The following SSBP3 variants were observed in gnomAD, a reference collection of about 807,000 sequenced individuals.
SSBP3 encodes single stranded DNA binding protein 3.
Under a neutral mutation model 69.6 loss-of-function variants are expected in SSBP3, and 5 were observed. That is an observed-to-expected ratio of 0.07 (90% CI 0.04 to 0.15). SSBP3 has a LOEUF of 0.15. Ranked by LOEUF, SSBP3 falls within the 10% of genes least tolerant of loss-of-function variation. The probability of loss-of-function intolerance (pLI) is 1.00; values close to 1 mark genes in which losing one functional copy is unlikely to be tolerated. For missense variants in SSBP3, 312 were observed against 534.0 expected (o/e 0.58, Z 4.10); for synonymous variants, 196 against 193.4 (o/e 1.01, Z -0.11).
intron 4 of SSBP3, among the ~76,000 whole-genome samples, chr1:54,371,735 GC>G (rs1233336969): frequency 6.6e-6 from 1 of 152,180 alleles, no homozygotes; most frequent in Admixed American, 6.5e-5. Flanking sequence ...GCTGCACTGG[GC>G]ACCGTGCCCA....
chr1:54,400,949 C>T (rs955002941), intron 4 of SSBP3, among the ~76,000 whole-genome samples: 8 of 152,222 alleles, frequency 5.3e-5, no homozygotes, highest in Admixed American at 3.3e-4. Flanking sequence ...ACCCACTGCA[C>T]ACAGAAGAGC....
chr1:54,401,566 A>C (rs1649304221), intron 4 of SSBP3, among the ~76,000 whole-genome samples: 1 of 152,124 alleles, frequency 6.6e-6, no homozygotes, highest in African/African-American at 2.4e-5. Context: ...CTAACTGTCC[A>C]CTCTTAACAT....
At chr1:54,293,400 C>T (rs1645643773) in intron 4 of SSBP3, among the ~76,000 whole-genome samples, 1 of 152,142 alleles carries the variant, frequency 6.6e-6, no homozygotes, top group Admixed American at 6.5e-5. Context: ...GAAACAAACA[C>T]GGGACTTCTC....
At chr1:54,253,570 T>C (rs1239851487) in intron 7 of SSBP3, among the ~76,000 whole-genome samples, 1 of 152,200 alleles carries the variant, frequency 6.6e-6, no homozygotes, top group African/African-American at 2.4e-5. Flanking sequence ...CCTGGATTTT[T>C]AGTTGTTCCG....
chr1:54,237,887 T>C, intron 14 of SSBP3: 1 of 343,772 alleles, frequency 2.9e-6, no homozygotes, highest in South Asian at 2.4e-5. Context: ...CAAGTCCTGA[T>C]GCCAGCATCC....
chr1:54,299,949 G>T (rs1277622362), intron 4 of SSBP3, among the ~76,000 whole-genome samples: 1 of 152,028 alleles, frequency 6.6e-6, no homozygotes, highest in Non-Finnish European at 1.5e-5. Flanking sequence ...AACACTGCAT[G>T]TCTTTTTAAG....
chr1:54,404,810 G>GGGA (rs1557598487), intron 2 of SSBP3, 48 bp downstream of exon 2: 2 of 729,770 alleles, frequency 2.7e-6, no homozygotes, highest in Non-Finnish European at 2.0e-6. Flanking sequence ...AAGAATAGTG[G>GGGA]GGGGGGGGGG....
chr1:54,257,697 C>T (rs1022626612), intron 6 of SSBP3, among the ~76,000 whole-genome samples: 4 of 152,062 alleles, frequency 2.6e-5, no homozygotes, highest in African/African-American at 4.8e-5. Context: ...AGGGGAATGG[C>T]AGGAAAGCTT....
chr1:54,277,464 T>TCCTG (rs1645310146), intron 5 of SSBP3, among the ~76,000 whole-genome samples: 1 of 152,218 alleles, frequency 6.6e-6, no homozygotes, highest in Admixed American at 6.5e-5. Flanking sequence ...TTGGAGTGTT[T>TCCTG]GTGGAAGAGC....
chr1:54,265,683 G>A (rs1270422901), intron 5 of SSBP3, among the ~76,000 whole-genome samples: 1 of 152,206 alleles, frequency 6.6e-6, no homozygotes, highest in Non-Finnish European at 1.5e-5. Context: ...GTTAGAGAAA[G>A]CAGGAATGTA....
At chr1:54,244,661 C>A (rs548174920) in intron 9 of SSBP3, among the ~76,000 whole-genome samples, 1 of 152,224 alleles carries the variant, frequency 6.6e-6, no homozygotes, top group Non-Finnish European at 1.5e-5. Flanking sequence ...CCTCGTATCA[C>A]GCGCATCTCT....
intron 7 of SSBP3, 100 bp from the exon 8 acceptor site, chr1:54,251,960 T>C: frequency 9.9e-7 from 1 of 1,013,390 alleles, no homozygotes; most frequent in Non-Finnish European, 1.5e-6. Context: ...TGTGATCACG[T>C]GGAGCCACTC....
At chr1:54,260,803 C>T (rs1181344494) in intron 5 of SSBP3, among the ~76,000 whole-genome samples, 5 of 152,200 alleles carry the variant, frequency 3.3e-5, no homozygotes, top group African/African-American at 1.2e-4. Context: ...GAAGTCTTCC[C>T]TCTGACTTGG....
At chr1:54,354,108 C>CTATCTGCAACCTGATCT in intron 4 of SSBP3, among the ~76,000 whole-genome samples, 1 of 152,358 alleles carries the variant, frequency 6.6e-6, no homozygotes, top group Admixed American at 6.5e-5. Context: ...TCCCATTTCA[C>CTATCTGCAACCTGATCT]TATCTGCAAC....
chr1:54,402,508 C>T (rs1368370494), intron 3 of SSBP3, among the ~76,000 whole-genome samples: 4 of 152,216 alleles, frequency 2.6e-5, no homozygotes, highest in Admixed American at 6.5e-5. Context: ...GCACCTCCAC[C>T]CTTCCCACCT....
At chr1:54,249,898 T>G (rs959341635) in intron 9 of SSBP3, among the ~76,000 whole-genome samples, 105 of 152,224 alleles carry the variant, frequency 6.9e-4, no homozygotes, top group African/African-American at 2.5e-3. Context: ...TGAGGATCCA[T>G]GGGCTGGGCG....
At chr1:54,321,584 T>C (rs1350647445) in intron 4 of SSBP3, among the ~76,000 whole-genome samples, 1 of 152,276 alleles carries the variant, frequency 6.6e-6, no homozygotes, top group Non-Finnish European at 1.5e-5. Flanking sequence ...TTAACCTGAC[T>C]GCACTTCGGT....
intron 9 of SSBP3, among the ~76,000 whole-genome samples, chr1:54,247,141 G>C (rs1315031125): frequency 6.6e-6 from 1 of 152,230 alleles, no homozygotes; most frequent in Admixed American, 6.5e-5. Flanking sequence ...GCAGCTGTCT[G>C]GGGCTGCAGC....
At chr1:54,274,251 G>C (rs562163056) in intron 5 of SSBP3, among the ~76,000 whole-genome samples, 5 of 152,200 alleles carry the variant, frequency 3.3e-5, no homozygotes, top group Non-Finnish European at 7.3e-5. Flanking sequence ...CTGTCTTCCT[G>C]AGCAACTGGC....
Sources: gnomAD v4.1 joint callset for allele counts (sites outside exome capture counted in the v4.1 genomes callset) on GRCh38, gnomAD v4.1.1 for gene constraint, MANE v1.5 for transcripts, NCBI Gene and HGNC (gene_info 2026-07-23, HGNC 2026-07-21) for gene names.